MED13L: variants seen among roughly 807,000 people sequenced by gnomAD.
The protein encoded by MED13L is mediator complex subunit 13L.
Under a neutral mutation model 220.9 loss-of-function variants are expected in MED13L, and 7 were observed. The observed-to-expected ratio is 0.03, with a 90% CI of 0.02 to 0.06. The LOEUF is 0.06. Among genes scored for constraint, MED13L ranks in the 10% least tolerant of loss-of-function variants. The pLI is 1.00. For missense variants in MED13L, 1,965 were observed against 2,760.5 expected (o/e 0.71, Z 6.46); for synonymous variants, 1,011 against 1,015.2 (o/e 1.00, Z 0.08).
chr12:116,164,349 C>T (rs1879095762), intron 2 of MED13L, among the ~76,000 whole-genome samples: 3 of 152,100 alleles, frequency 2.0e-5, no homozygotes, highest in Admixed American at 2.0e-4. Flanking sequence ...AATTCAACTT[C>T]CTCAACCAAA....
chr12:116,194,096 GAGA>G (rs1332181779), intron 2 of MED13L, among the ~76,000 whole-genome samples: 4 of 152,104 alleles, frequency 2.6e-5, no homozygotes, highest in African/African-American at 9.7e-5. Context: ...GACAAAAGAA[GAGA>G]AGATGACGGA....
chr12:116,240,047 A>G (rs1870476160), intron 1 of MED13L, among the ~76,000 whole-genome samples: 1 of 152,182 alleles, frequency 6.6e-6, no homozygotes, highest in Non-Finnish European at 1.5e-5. Flanking sequence ...TACCACTAGT[A>G]GTAGTACTAT....
At chr12:116,168,331 CAAA>C (rs79130692) in intron 2 of MED13L, among the ~76,000 whole-genome samples, 1 of 120,328 alleles carries the variant, frequency 8.3e-6, no homozygotes. Flanking sequence ...ATTTTTCTGG[CAAA>C]AAAAAAAAAA....
At chr12:116,103,709 CAT>C (rs1873291914) in intron 3 of MED13L, among the ~76,000 whole-genome samples, 1 of 152,228 alleles carries the variant, frequency 6.6e-6, no homozygotes, top group Non-Finnish European at 1.5e-5. Context: ...TACAAATAGA[CAT>C]GTGCTTTCAG....
At chr12:116,243,849 C>T (rs1051239697) in intron 1 of MED13L, among the ~76,000 whole-genome samples, 8 of 152,118 alleles carry the variant, frequency 5.3e-5, no homozygotes, top group Non-Finnish European at 1.0e-4. Flanking sequence ...CAAGGCACCT[C>T]AGATTCAGGA....
chr12:116,211,231 A>C (rs1221055919), intron 2 of MED13L, among the ~76,000 whole-genome samples: 1 of 152,188 alleles, frequency 6.6e-6, no homozygotes, highest in Non-Finnish European at 1.5e-5. Flanking sequence ...ACTGTCCAAC[A>C]AGGCAGCCTC....
At chr12:116,131,472 T>C (rs1876059540) in intron 2 of MED13L, among the ~76,000 whole-genome samples, 1 of 152,150 alleles carries the variant, frequency 6.6e-6, no homozygotes, top group African/African-American at 2.4e-5. Context: ...GCCACAACAC[T>C]GTGTACAAAT....
intron 22 of MED13L, 122 bp downstream of exon 22, chr12:115,982,262 T>C: frequency 9.9e-7 from 1 of 1,012,354 alleles, no homozygotes; most frequent in Non-Finnish European, 1.5e-6. Flanking sequence ...TTCCTAGTAT[T>C]TTGGTTAGGG....
chr12:116,275,270 G>A (rs564296165), intron 1 of MED13L, among the ~76,000 whole-genome samples: 2 of 152,178 alleles, frequency 1.3e-5, no homozygotes, highest in African/African-American at 2.4e-5. Flanking sequence ...TAAGACTGAG[G>A]AGGGAAAAAG....
chr12:115,984,439 C>A, intron 19 of MED13L, 67 bp from the exon 20 acceptor site: 1 of 1,548,702 alleles, frequency 6.5e-7, no homozygotes. Context: ...CAATGGTTAG[C>A]AAGGGAGATT....
In MED13L at chr12:116,019,278, T is replaced by G; in HGVS notation, c.955A>C (p.Ser319Arg). The G allele has an allele frequency of 6.2e-7, 1 of 1,614,010 alleles. No individual in the cohort carries two copies. Residue 319 changes from serine to arginine, a missense_variant, in exon 7 of 31, where the codon AGT becomes CGT. By Grantham distance (110) the Ser-to-Arg change is moderately radical. This residue lies in a region of MED13L where 818 missense variants were observed against 1,041.2 expected (regional missense o/e 0.79). Transcript: ENST00000281928. ...QQGLGSVKDP[S>R]NCGMPLTPPT... is the part of the protein sequence containing the mutation. The stretch of plus-strand genomic sequence containing the variant: ...GGGGTCAGAGGCATCCCACAGTTAC[T>G]TGGGTCCTTCACACTACCAAGCCCT...
chr12:116,165,921 G>A (rs7310400), intron 2 of MED13L, among the ~76,000 whole-genome samples: 63,699 of 151,962 alleles, frequency 0.42, 13,594 homozygotes, highest in South Asian at 0.49. Flanking sequence ...CACTACAGCT[G>A]CATTGGTCTT....
At chr12:115,970,447 A>G (rs1876502025) in intron 27 of MED13L, 147 bp downstream of exon 27, 1 of 770,294 alleles carries the variant, frequency 1.3e-6, no homozygotes, top group Admixed American at 2.7e-5. Context: ...TTTAAGACCA[A>G]ATAGATTCTC....
intron 14 of MED13L, among the ~76,000 whole-genome samples, chr12:115,998,060 A>T (rs1179093188): frequency 6.6e-6 from 1 of 152,192 alleles, no homozygotes; most frequent in Non-Finnish European, 1.5e-5. Context: ...TTCCAGACAG[A>T]TATTAAAATG....
intron 2 of MED13L, among the ~76,000 whole-genome samples, chr12:116,138,147 C>T (rs1332560742): frequency 1.3e-5 from 2 of 152,126 alleles, no homozygotes; most frequent in East Asian, 1.9e-4. Context: ...TGAGCCACCA[C>T]GCCCGGCCTG....
At chr12:116,243,340 T>C (rs986668404) in intron 1 of MED13L, among the ~76,000 whole-genome samples, 2 of 152,080 alleles carry the variant, frequency 1.3e-5, no homozygotes, top group Non-Finnish European at 2.9e-5. Context: ...CCTTGAGCAG[T>C]AGGATATAAA....
At chr12:116,147,921 C>T (rs1877671124) in intron 2 of MED13L, among the ~76,000 whole-genome samples, 1 of 150,618 alleles carries the variant, frequency 6.6e-6, no homozygotes, top group East Asian at 1.9e-4. Context: ...GTGGCGTGCA[C>T]CTGTAATCCC....
intron 16 of MED13L, among the ~76,000 whole-genome samples, chr12:115,993,198 G>T (rs894635898): frequency 6.6e-6 from 1 of 151,928 alleles, no homozygotes; most frequent in African/African-American, 2.4e-5. Context: ...TATCCGAGGG[G>T]GTCCTGGAAT....
chr12:116,033,763 TATG>T (rs1379426766), intron 4 of MED13L, among the ~76,000 whole-genome samples: 3 of 152,098 alleles, frequency 2.0e-5, no homozygotes, highest in Non-Finnish European at 2.9e-5. Flanking sequence ...TGTGTGTGTG[TATG>T]TGTGTACATA....
Sources: gnomAD v4.1 joint callset for allele counts (sites outside exome capture counted in the v4.1 genomes callset) on GRCh38, gnomAD v4.1.1 for gene constraint, gnomAD v4.1.1 regional missense constraint, MANE v1.5 for transcripts, NCBI Gene and HGNC (gene_info 2026-07-23, HGNC 2026-07-21) for gene names.